The following TMEM59 variants were observed in gnomAD, a reference collection of about 807,000 sequenced individuals.
TMEM59 encodes dendritic cell factor 1.
In TMEM59, 44 loss-of-function variants were observed where a neutral mutation model predicts 42.2. The observed-to-expected ratio is 1.04, with a 90% CI of 0.82 to 1.34. The LOEUF (loss-of-function observed/expected upper bound fraction) is 1.34. Among genes scored for constraint, TMEM59 ranks in the 40% most tolerant of loss-of-function variants. The pLI, the probability that TMEM59 is intolerant of heterozygous loss-of-function variation, is 0.00. For missense variants in TMEM59, 359 were observed against 382.8 expected, an observed-to-expected ratio of 0.94 and a Z score of 0.52; for synonymous variants, 148 against 145.8, an observed-to-expected ratio of 1.02 and a Z score of -0.11.
intron 7 of TMEM59, among the ~76,000 whole-genome samples, chr1:54,032,785 T>A (rs912934913): frequency 2.6e-5 from 4 of 152,204 alleles, no homozygotes; most frequent in African/African-American, 9.7e-5. Flanking sequence ...GTTAATACCA[T>A]ATACAAGAAG....
intron 7 of TMEM59, among the ~76,000 whole-genome samples, chr1:54,035,691 C>T (rs1369458135): frequency 2.0e-5 from 3 of 152,084 alleles, no homozygotes; most frequent in Non-Finnish European, 2.9e-5. Flanking sequence ...TGGCTCACTG[C>T]AGCCTCAACC....
At chr1:54,036,255 C>A (rs1021924901) in intron 7 of TMEM59, among the ~76,000 whole-genome samples, 2 of 151,842 alleles carry the variant, frequency 1.3e-5, no homozygotes, top group African/African-American at 4.8e-5. Flanking sequence ...GCACTCTAGC[C>A]TGGGTGACAG....
rs1392410018 is a variant in TMEM59 at position 54,030,053 on chromosome 1, GA to G, written c.*2096del. 1.3e-5 allele frequency: 2 copies of G among 151,992 alleles called. No homozygotes were observed. The highest frequency in any genetic ancestry group is 4.8e-5 in the African/African-American group (2 of 41,360). 9.4% of individuals were successfully genotyped at this position (151,992 alleles called of 1,614,324 possible). ...TTGGATCAATACTTTCAAGAGAAAT[GA>G]AGGTATCTCAGGCACTTCTCATTCA... On this transcript the variant is annotated 3_prime_UTR_variant, in exon 8 of 8. Transcript: ENST00000234831.
Position 54,036,738 on chromosome 1 carries a change from A to G in TMEM59, c.708-20T>C. The G allele has an allele frequency of 6.6e-7, 1 of 1,514,208 alleles. No individual in the cohort carries two copies. The highest frequency in any genetic ancestry group is 8.9e-7 in the Non-Finnish European group (1 of 1,117,728). 93.8% of individuals were successfully genotyped at this position (1,514,208 alleles called of 1,614,324 possible). ...GAGTTACTGGAAAAAAAAAATCAAC[A>G]ATTAGTTATATTAAAATTTTATAAG... On this transcript the variant is annotated intron_variant, in intron 6 of 7. Transcript: ENST00000234831.
Position 54,045,795 on chromosome 1 carries a change from GA to G in TMEM59, c.296-10del. On this transcript the variant is annotated splice_polypyrimidine_tract_variant and intron_variant, in intron 2 of 7. Transcript: ENST00000234831. ...ATATGCTTCTGTACATGCTGTAAGAGAAAAATAGTCAAATTACAAGAAACAA... is the reference window on the plus strand; with the variant it reads ...ATATGCTTCTGTACATGCTGTAAGAGAAAATAGTCAAATTACAAGAAACAA... The G allele has an allele frequency of 6.3e-7, 1 of 1,588,872 alleles. No homozygotes were observed. Among genetic ancestry groups the G allele is most frequent in the South Asian group, 1.1e-5 (1 of 87,346 alleles).
rs762801545 is a variant in TMEM59 at position 54,045,831 on chromosome 1, G to C, written c.296-45C>G. The C allele has an allele frequency of 3.4e-6, 5 of 1,486,816 alleles. No homozygotes were observed. In the African/African-American group the frequency reaches 7.0e-5, roughly 21 times the overall value. The allele number at this position is 1,486,816 out of a possible 1,614,324, so 92.1% of individuals were successfully genotyped here. On this transcript the variant is annotated intron_variant, in intron 2 of 7. Coordinates refer to ENST00000234831, the MANE Select transcript of TMEM59 (RefSeq NM_004872.5). ...AAATTACAAGAAACAAAAGAGAAAG[G>C]GAAAGAGGAAAGAAAAGGATTTGGC...
intron 7 of TMEM59, chr1:54,034,779 AG>A (rs1276744625): frequency 6.6e-6 from 1 of 152,234 alleles, no homozygotes; most frequent in Non-Finnish European, 1.5e-5. Flanking sequence ...GTCTAAAAAA[AG>A]AAAAAAGAAA....
At position 54,032,914 on chromosome 1, in the gene TMEM59, GTC is replaced by G. The variant is rs141673382; in HGVS notation, c.817-611_817-610del. The stretch of plus-strand genomic sequence containing the variant: ...GGTAGACTTAGATATATGTATGAAT[GTC>G]TCTGTCTCTTTTTTTTTTTTTTTTA... On this transcript the variant is annotated intron_variant, in intron 7 of 7. Coordinates refer to ENST00000234831, the MANE Select transcript of TMEM59 (RefSeq NM_004872.5). 3.0e-3 allele frequency among the ~76,000 whole-genome samples: 447 copies of G among 150,814 alleles called. 1 individual carries two copies. Among genetic ancestry groups the G allele is most frequent in the African/African-American group, 0.01 (424 of 41,184 alleles).
upstream of TMEM59, chr1:54,053,264 C>T: frequency 6.5e-7 from 1 of 1,538,696 alleles, no homozygotes; most frequent in Non-Finnish European, 8.8e-7. Flanking sequence ...CTGGGGCCAG[C>T]CCCCTTCTCC....
intron 7 of TMEM59, chr1:54,033,193 T>G (rs1047545679): frequency 1.3e-5 from 2 of 152,044 alleles, no homozygotes; most frequent in Non-Finnish European, 2.9e-5. Flanking sequence ...ACTCCTGGCC[T>G]CAAGTGATCC....
chr1:54,043,348 T>A (rs1228990818), intron 4 of TMEM59, 25 bp downstream of exon 4: 2 of 1,505,076 alleles, frequency 1.3e-6, no homozygotes, highest in Non-Finnish European at 1.8e-6. Flanking sequence ...AGTATTTAGA[T>A]GAATCCATGA....
intron 5 of TMEM59, 79 bp from the exon 6 acceptor site, chr1:54,040,916 C>T (rs544824450): frequency 1.4e-5 from 15 of 1,091,234 alleles, no homozygotes; most frequent in Non-Finnish European, 1.7e-5. Flanking sequence ...TAGATATATA[C>T]ACTTTACAGA....
rs749490432 is a variant in TMEM59 at position 54,043,393 on chromosome 1, C to T, written c.523G>A (p.Gly175Arg). The T allele has an allele frequency of 3.3e-5, 51 of 1,547,784 alleles. No homozygotes were observed. The highest frequency in any genetic ancestry group is 4.1e-5 in the Admixed American group (2 of 48,784). ...GTCACCTGGAATATAACTATTTTTC[C>T]GTCATCGGCTTGAAGATAAAAAGTC... ...SWTFYLQADD[G>R]KIVIFQSKPE... The change falls in exon 4 of 8, where the codon GGA becomes AGA. Residue 175 changes from glycine to arginine, a missense_variant. By Grantham distance (125) the Gly-to-Arg change is moderately radical. Coordinates refer to ENST00000234831, the MANE Select transcript of TMEM59 (RefSeq NM_004872.5).
chr1:54,040,852 AG>A lies in TMEM59; in HGVS notation c.626-16del. 1 of 1,608,790 alleles carries A rather than the reference AG, an allele frequency of 6.2e-7. No individual in the cohort carries two copies. Among genetic ancestry groups the A allele is most frequent in the Non-Finnish European group, 8.5e-7 (1 of 1,175,494 alleles). ...CATTTGCAGATCTGCTGAAATAGTA[AG>A]TATGAGTTTATTATATCCTATATTC... is the stretch of plus-strand genomic sequence containing the variant. On this transcript the variant is annotated splice_polypyrimidine_tract_variant and intron_variant, in intron 5 of 7. Transcript: ENST00000234831.
At chr1:54,045,921 T>A in intron 2 of TMEM59, 135 bp from the exon 3 acceptor site, 1 of 671,182 alleles carries the variant, frequency 1.5e-6, no homozygotes, top group Non-Finnish European at 2.4e-6. Flanking sequence ...AATTTGGTAA[T>A]ATAGTAGTAG....
intron 2 of TMEM59, 114 bp from the exon 3 acceptor site, chr1:54,045,900 G>T: frequency 1.1e-6 from 1 of 870,792 alleles, no homozygotes; most frequent in Non-Finnish European, 1.7e-6. Flanking sequence ...TTTCATCAAT[G>T]TGAATTTCCA....
At chr1:54,040,627 A>C (rs969702136) in intron 6 of TMEM59, 129 bp downstream of exon 6, 1 of 686,974 alleles carries the variant, frequency 1.5e-6, no homozygotes, top group Admixed American at 3.0e-5. Context: ...TCTAATGTAC[A>C]ACTTTGGAAA....
intron 3 of TMEM59, 60 bp from the exon 4 acceptor site, chr1:54,043,585 C>A: frequency 1.8e-6 from 2 of 1,138,958 alleles, no homozygotes; most frequent in Non-Finnish European, 2.3e-6. Flanking sequence ...TTCAAAAGAA[C>A]AATATAATCA....
At chr1:54,038,596 A>G (rs1385362169) in intron 6 of TMEM59, among the ~76,000 whole-genome samples, 3 of 152,346 alleles carry the variant, frequency 2.0e-5, no homozygotes, top group South Asian at 2.1e-4. Context: ...CCAGATTCCA[A>G]TAACTGGCTG....
Sources: allele counts gnomAD v4.1 joint callset (sites outside exome capture counted in the v4.1 genomes callset), GRCh38; gene constraint gnomAD v4.1.1; transcripts MANE v1.5; gene names NCBI Gene and HGNC (gene_info 2026-07-23, HGNC 2026-07-21).